Variants in STK4 observed in about 807,000 individuals in gnomAD.
STK4 encodes the protein serine/threonine kinase 4.
In STK4, 30 loss-of-function variants were observed where a neutral mutation model predicts 64.9. The observed-to-expected ratio is 0.46, with a 90% CI of 0.35 to 0.63. STK4 has a LOEUF of 0.63. Ranked by LOEUF, STK4 falls within the 20% of genes least tolerant of loss-of-function variation. The pLI is 0.01. For synonymous variants in STK4, 177 were observed against 199.0 expected, an observed-to-expected ratio of 0.89 and a Z score of 0.93; for missense variants, 466 against 598.5, an observed-to-expected ratio of 0.78 and a Z score of 2.31.
chr20:45,035,374 A>G (rs1286010324), intron 10 of STK4, among the ~76,000 whole-genome samples: 3 of 152,164 alleles, frequency 2.0e-5, no homozygotes, highest in Non-Finnish European at 4.4e-5. Flanking sequence ...GTTTTAGTCT[A>G]AATAAAGTTA....
chr20:44,996,422 C>A (rs1362023460), intron 6 of STK4, among the ~76,000 whole-genome samples: 1 of 152,184 alleles, frequency 6.6e-6, no homozygotes, highest in African/African-American at 2.4e-5. Flanking sequence ...CTAATTAATT[C>A]TCCTATTAAA....
chr20:45,035,923 G>A (rs901860559), intron 10 of STK4, among the ~76,000 whole-genome samples: 11 of 152,186 alleles, frequency 7.2e-5, no homozygotes, highest in Non-Finnish European at 1.2e-4. Context: ...CATTACATAT[G>A]TTACCTCGCT....
intron 9 of STK4, among the ~76,000 whole-genome samples, chr20:45,021,161 T>C (rs2068240973): frequency 6.6e-6 from 1 of 152,132 alleles, no homozygotes; most frequent in African/African-American, 2.4e-5. Flanking sequence ...ACATTTGCTA[T>C]TGTCTCAATG....
chr20:44,992,916 G>T (rs1377262618), intron 5 of STK4, among the ~76,000 whole-genome samples: 1 of 151,734 alleles, frequency 6.6e-6, no homozygotes, highest in African/African-American at 2.4e-5. Context: ...GGCTGGTTTC[G>T]AACTCCTGAG....
At chr20:45,022,205 AATAC>A (rs2068260667) in intron 9 of STK4, among the ~76,000 whole-genome samples, 1 of 152,192 alleles carries the variant, frequency 6.6e-6, no homozygotes, top group African/African-American at 2.4e-5. Context: ...TTAAATTTCT[AATAC>A]ATATGTGCAT....
chr20:44,968,569 C>T (rs960298675), intron 1 of STK4, among the ~76,000 whole-genome samples: 1 of 152,250 alleles, frequency 6.6e-6, no homozygotes, highest in African/African-American at 2.4e-5. Context: ...ATGTTTCTTT[C>T]TGAACTATGT....
chr20:44,969,625 A>T (rs2067210727), intron 1 of STK4, among the ~76,000 whole-genome samples: 1 of 152,190 alleles, frequency 6.6e-6, no homozygotes. Context: ...CATTCCTGGG[A>T]TGCTGGCCAT....
Position 45,079,299 on chromosome 20 carries a change from CT to C in STK4, c.*4124del, listed in dbSNP as rs1428591079. 6.6e-6 allele frequency: 1 copy of C among 152,122 alleles called. No individual in the cohort carries two copies. The highest frequency in any genetic ancestry group is 1.5e-5 in the Non-Finnish European group (1 of 68,026). 9.4% of individuals were successfully genotyped at this position (152,122 alleles called of 1,614,324 possible). A position where few individuals can be genotyped will look rare whatever the true frequency, so the allele number is the denominator to read the frequency against. ...GCTGGGAGATATAGGTATTATTATC[CT>C]CATTTTACAGATGTGAAAATTGAGG... On this transcript the variant is annotated 3_prime_UTR_variant, in exon 11 of 11. Transcript: ENST00000372806.
At chr20:44,977,670 C>T in intron 2 of STK4, among the ~76,000 whole-genome samples, 1 of 152,104 alleles carries the variant, frequency 6.6e-6, no homozygotes. Flanking sequence ...AATCCAGCTT[C>T]TTTACTTTCA....
chr20:44,968,453 C>T (rs1881427659), intron 1 of STK4, among the ~76,000 whole-genome samples: 1 of 152,232 alleles, frequency 6.6e-6, no homozygotes, highest in South Asian at 2.1e-4. Flanking sequence ...TTAACTGCCT[C>T]ACTCTGATGC....
intron 5 of STK4, among the ~76,000 whole-genome samples, chr20:44,991,422 G>T (rs761360103): frequency 6.6e-6 from 1 of 152,210 alleles, no homozygotes; most frequent in Non-Finnish European, 1.5e-5. Flanking sequence ...TATTGGCAAA[G>T]TGCTTTTGAT....
At chr20:45,032,394 A>AG (rs1233132575) in intron 10 of STK4, among the ~76,000 whole-genome samples, 2 of 152,102 alleles carry the variant, frequency 1.3e-5, no homozygotes, top group African/African-American at 4.8e-5. Context: ...AGTAACCCAT[A>AG]GGTAGTTTTT....
At chr20:45,063,666 C>G (rs1046942099) in intron 10 of STK4, among the ~76,000 whole-genome samples, 1 of 152,070 alleles carries the variant, frequency 6.6e-6, no homozygotes, top group Admixed American at 6.5e-5. Flanking sequence ...AAATCTTTGC[C>G]AGGTCCTATG....
intron 1 of STK4, among the ~76,000 whole-genome samples, chr20:44,968,709 A>G (rs1432461919): frequency 1.3e-5 from 2 of 152,206 alleles, no homozygotes; most frequent in African/African-American, 4.8e-5. Flanking sequence ...GTTTCTTGGC[A>G]TGCTCATTCC....
intron 10 of STK4, among the ~76,000 whole-genome samples, chr20:45,072,702 T>C (rs1217844426): frequency 6.6e-6 from 1 of 152,222 alleles, no homozygotes; most frequent in Non-Finnish European, 1.5e-5. Context: ...TACCAGCCCT[T>C]AGGCATTAGC....
At chr20:45,060,303 T>C (rs919057529) in intron 10 of STK4, among the ~76,000 whole-genome samples, 1 of 152,196 alleles carries the variant, frequency 6.6e-6, no homozygotes, top group African/African-American at 2.4e-5. Flanking sequence ...AGTCTTTTCG[T>C]TTATTTAACC....
intron 10 of STK4, among the ~76,000 whole-genome samples, chr20:45,073,431 C>T (rs1465185493): frequency 2.1e-4 from 32 of 152,076 alleles, no homozygotes; most frequent in Admixed American, 2.0e-3. Context: ...CTAGGGAGGC[C>T]ACTGTAGCAC....
chr20:45,065,375 A>T (rs1369866767), intron 10 of STK4, among the ~76,000 whole-genome samples: 1 of 152,026 alleles, frequency 6.6e-6, no homozygotes, highest in Non-Finnish European at 1.5e-5. Context: ...GGATTTTCAC[A>T]TCCATGTTCC....
chr20:45,054,938 C>T (rs1978342651), intron 10 of STK4, among the ~76,000 whole-genome samples: 4 of 152,178 alleles, frequency 2.6e-5, no homozygotes, highest in Admixed American at 6.5e-5. Context: ...TTCTCTCCCA[C>T]CTGTCCTTGT....
Sources: gnomAD v4.1 joint callset for allele counts (sites outside exome capture counted in the v4.1 genomes callset) on GRCh38, gnomAD v4.1.1 for gene constraint, MANE v1.5 for transcripts, NCBI Gene and HGNC (gene_info 2026-07-23, HGNC 2026-07-21) for gene names.